The following SNX30 variants were observed in gnomAD, a reference collection of about 807,000 sequenced individuals.
SNX30 encodes the protein sorting nexin family member 30.
In SNX30, 24 loss-of-function variants were observed where a neutral mutation model predicts 46.4. That is an observed-to-expected ratio of 0.52 (90% CI 0.37 to 0.73). SNX30 has a LOEUF of 0.73. Among genes scored for constraint, SNX30 ranks in the 30% least tolerant of loss-of-function variants. The probability of loss-of-function intolerance (pLI) is 0.00; values close to 1 mark genes in which losing one functional copy is unlikely to be tolerated. For synonymous variants in SNX30, 189 were observed against 211.5 expected (o/e 0.89, Z 0.92); for missense variants, 533 against 555.7 (o/e 0.96, Z 0.41).
intron 7 of SNX30, among the ~76,000 whole-genome samples, chr9:112,853,735 A>C (rs906480459): frequency 6.6e-6 from 1 of 152,230 alleles, no homozygotes; most frequent in Non-Finnish European, 1.5e-5. Context: ...CGTGGTCAAA[A>C]GGTACAAACT....
intron 2 of SNX30, among the ~76,000 whole-genome samples, chr9:112,805,417 G>GT (rs1303817964): frequency 2.0e-5 from 3 of 152,124 alleles, no homozygotes; most frequent in Non-Finnish European, 4.4e-5. Flanking sequence ...TGTCAGATAG[G>GT]TAGTGGGCAG....
rs557677776 is a variant in SNX30, at chr9:112,844,104, G to GT, written c.1014+5408dup. Among the ~76,000 whole-genome samples, 16 of 152,318 alleles carry GT rather than the reference G, an allele frequency of 1.1e-4. No homozygotes were observed. In the South Asian group the frequency reaches 3.3e-3, roughly 32 times the overall value. On this transcript the variant is annotated intron_variant, in intron 6 of 8. Coordinates refer to ENST00000374232, the MANE Select transcript of SNX30 (RefSeq NM_001012994.2). The stretch of plus-strand genomic sequence containing the variant: ...CAGGGAGCCAAGGGCAGAAAACTAG[G>GT]TGGTGGAGCCTGGACTGCAGTGGTA...
chr9:112,780,737 C>T (rs948884737), intron 1 of SNX30, among the ~76,000 whole-genome samples: 5 of 152,080 alleles, frequency 3.3e-5, no homozygotes, highest in South Asian at 2.1e-4. Context: ...TCTGCTTTCC[C>T]GGGGCTTGAA....
In SNX30 at chr9:112,838,701, A is replaced by G; in HGVS notation, c.1014+4A>G. 1 of 1,613,408 alleles carries G rather than the reference A, an allele frequency of 6.2e-7. No individual in the cohort carries two copies. Among genetic ancestry groups the G allele is most frequent in the Non-Finnish European group, 8.5e-7 (1 of 1,179,542 alleles). ...TTTATACTCTGACTCCATGAAGGTA[A>G]GCTGGCTTGCTTCTTGTGTATTTGC... is the stretch of plus-strand genomic sequence containing the variant. On this transcript the variant is annotated splice_donor_region_variant and intron_variant, in intron 6 of 8. Coordinates refer to ENST00000374232, the MANE Select transcript of SNX30 (RefSeq NM_001012994.2).
At chr9:112,868,699 C>T (rs1287562383) in intron 8 of SNX30, 85 bp from the exon 9 acceptor site, 17 of 1,439,786 alleles carry the variant, frequency 1.2e-5, no homozygotes, top group South Asian at 2.3e-5. Flanking sequence ...GGATCGACAA[C>T]GAAAGGGTAG....
intron 3 of SNX30, among the ~76,000 whole-genome samples, chr9:112,821,496 T>A (rs1011764711): frequency 7.9e-5 from 12 of 151,150 alleles, no homozygotes; most frequent in Admixed American, 6.6e-4. Context: ...TGTATATAAT[T>A]TTTTTTTTGA....
intron 7 of SNX30, among the ~76,000 whole-genome samples, chr9:112,856,531 G>A (rs140655987): frequency 6.6e-6 from 1 of 152,038 alleles, no homozygotes; most frequent in African/African-American, 2.4e-5. Flanking sequence ...TGACTGGGAT[G>A]GAAAGGTGCA....
At chr9:112,845,582 G>A (rs1390597295) in intron 6 of SNX30, among the ~76,000 whole-genome samples, 1 of 152,190 alleles carries the variant, frequency 6.6e-6, no homozygotes, top group Non-Finnish European at 1.5e-5. Context: ...AGGGTGTTCA[G>A]TGAAAGATTA....
In SNX30 at chr9:112,834,843, A is replaced by AACACACACACACAC. The variant is rs79118828; in HGVS notation, c.619-1344_619-1331dup. Among the ~76,000 whole-genome samples, 77 of 78,414 alleles carry AACACACACACACAC rather than the reference A, an allele frequency of 9.8e-4. 1 individual carries two copies. The highest frequency in any genetic ancestry group is 1.9e-3 in the African/African-American group (41 of 21,472). 51.4% of individuals were successfully genotyped at this position (78,414 alleles called of 152,430 possible). On this transcript the variant is annotated intron_variant, in intron 4 of 8. Coordinates refer to ENST00000374232, the MANE Select transcript of SNX30 (RefSeq NM_001012994.2). ...CGTGGATTAAACACACACACACACA[A>AACACACACACACAC]ACACACACACACACACACACACACA...
At chr9:112,819,455 T>C (rs1840458004) in intron 3 of SNX30, among the ~76,000 whole-genome samples, 1 of 151,822 alleles carries the variant, frequency 6.6e-6, no homozygotes, top group Non-Finnish European at 1.5e-5. Flanking sequence ...TTAGTGGAGA[T>C]GAGATTTCAG....
rs958626532 is a variant in SNX30, at chr9:112,823,617, A to C, written c.459+5802A>C. On this transcript the variant is annotated intron_variant, in intron 3 of 8. Transcript: ENST00000374232. ...AAATTTAATGTTTACCTCAGTTTTA[A>C]GGAAGAAAGCTTTCTGGAAGGATAC... Among the ~76,000 whole-genome samples, 5 of 152,256 alleles carry C rather than the reference A, an allele frequency of 3.3e-5. No individual in the cohort carries two copies. The South Asian group carries it at 1.0e-3, about 32-fold the overall frequency.
At chr9:112,846,216 G>A (rs545036212) in intron 6 of SNX30, among the ~76,000 whole-genome samples, 2 of 152,116 alleles carry the variant, frequency 1.3e-5, no homozygotes. Context: ...GAAATGGGAA[G>A]CATCAAAGAA....
chr9:112,778,736 A>G (rs898287831), intron 1 of SNX30, among the ~76,000 whole-genome samples: 22 of 152,342 alleles, frequency 1.4e-4, no homozygotes, highest in African/African-American at 5.1e-4. Context: ...ACCAACTGCC[A>G]CAGATACCAT....
chr9:112,819,370 G>A (rs775334933), intron 3 of SNX30, among the ~76,000 whole-genome samples: 2 of 150,208 alleles, frequency 1.3e-5, no homozygotes, highest in Non-Finnish European at 3.0e-5. Flanking sequence ...GAGTTCAAGC[G>A]ATTCTTCTGC....
Position 112,750,886 on chromosome 9 carries a change from T to C in SNX30, c.-116T>C. 1 of 995,754 alleles carries C rather than the reference T, an allele frequency of 1.0e-6. No individual in the cohort carries two copies. The highest frequency in any genetic ancestry group is 1.2e-6 in the Non-Finnish European group (1 of 814,796). 61.7% of individuals were successfully genotyped at this position (995,754 alleles called of 1,614,324 possible). A position where few individuals can be genotyped will look rare whatever the true frequency, so the allele number is the denominator to read the frequency against. On this transcript the variant is annotated 5_prime_UTR_variant, in exon 1 of 9. Transcript: ENST00000374232. The stretch of plus-strand genomic sequence containing the variant: ...TGGCGGCGGCCCCCAGCACGGCCGG[T>C]GCAAGGCCTCGGGTTAAGCGGCGGC...
At chr9:112,775,564 G>GTT (rs1296081546) in intron 1 of SNX30, among the ~76,000 whole-genome samples, 1 of 150,704 alleles carries the variant, frequency 6.6e-6, no homozygotes, top group African/African-American at 2.4e-5. Context: ...GTGTGTGTGT[G>GTT]TGTGTGTGTG....
intron 5 of SNX30, 49 bp downstream of exon 5, chr9:112,836,458 G>A: frequency 1.9e-6 from 3 of 1,544,938 alleles, no homozygotes; most frequent in African/African-American, 1.4e-5. Flanking sequence ...CACATTGGCA[G>A]AAATGCCATT....
intron 2 of SNX30, among the ~76,000 whole-genome samples, chr9:112,817,429 T>G (rs1319026556): frequency 3.9e-5 from 4 of 103,750 alleles, no homozygotes; most frequent in Non-Finnish European, 8.4e-5. Context: ...TTTTTTTTTT[T>G]TTGAGACGGA....
intron 6 of SNX30, among the ~76,000 whole-genome samples, chr9:112,844,962 A>G (rs1275304671): frequency 6.6e-6 from 1 of 152,214 alleles, no homozygotes; most frequent in African/African-American, 2.4e-5. Context: ...AGTTTTCTGG[A>G]AGATTGATTT....
Sources: gnomAD v4.1 joint callset for allele counts (sites outside exome capture counted in the v4.1 genomes callset) on GRCh38, gnomAD v4.1.1 for gene constraint, MANE v1.5 for transcripts, NCBI Gene and HGNC (gene_info 2026-07-23, HGNC 2026-07-21) for gene names.